COL28A1: variants seen among roughly 807,000 people sequenced by gnomAD.
The protein encoded by COL28A1 is collagen alpha-1(XXVIII) chain.
In COL28A1, 161 loss-of-function variants were observed where a neutral mutation model predicts 150.2. The ratio of observed to expected loss-of-function variants is 1.07; its 90% CI spans 0.94 to 1.22. The LOEUF (loss-of-function observed/expected upper bound fraction) is 1.22, where lower values mean the gene tolerates loss of function less well. Among genes scored for constraint, COL28A1 ranks in the 50% most tolerant of loss-of-function variants. The pLI is 0.00. For missense variants in COL28A1, 1,617 were observed against 1,388.3 expected (o/e 1.16, Z -2.62); for synonymous variants, 552 against 469.7 (o/e 1.18, Z -2.26).
intron 30 of COL28A1, among the ~76,000 whole-genome samples, chr7:7,380,204 C>T (rs1011620726): frequency 6.6e-6 from 1 of 152,176 alleles, no homozygotes; most frequent in Non-Finnish European, 1.5e-5. Flanking sequence ...TCAGAAAATA[C>T]TTATTGAATA....
intron 3 of COL28A1, among the ~76,000 whole-genome samples, chr7:7,529,073 G>A (rs956217931): frequency 2.6e-5 from 4 of 151,882 alleles, no homozygotes; most frequent in Non-Finnish European, 4.4e-5. Flanking sequence ...AGGCCGAGGC[G>A]GGCAGATCAC....
At chr7:7,351,112 G>A in the COL28A1 span, among the ~76,000 whole-genome samples, 1 of 152,044 alleles carries the variant, frequency 6.6e-6, no homozygotes, top group African/African-American at 2.4e-5. Context: ...CATCTGAGGT[G>A]GAATCCATAA....
downstream of COL28A1, among the ~76,000 whole-genome samples, chr7:7,354,296 A>T (rs1780299033): frequency 6.6e-6 from 1 of 152,156 alleles, no homozygotes; most frequent in Admixed American, 6.6e-5. Flanking sequence ...ACCTGGCCAA[A>T]AAAAATTTAT....
intron 13 of COL28A1, among the ~76,000 whole-genome samples, chr7:7,487,639 T>C (rs1281506116): frequency 6.6e-6 from 1 of 152,214 alleles, no homozygotes; most frequent in African/African-American, 2.4e-5. Flanking sequence ...CTGAAAATCA[T>C]AGACCTAAGG....
chr7:7,452,504 A>G (rs555391999), intron 17 of COL28A1, 117 bp from the exon 18 acceptor site: 5 of 1,386,662 alleles, frequency 3.6e-6, no homozygotes, highest in African/African-American at 1.5e-5. Flanking sequence ...CTCAATTCAT[A>G]TATATTGCCT....
chr7:7,390,466 G>T (rs927017806), intron 27 of COL28A1, among the ~76,000 whole-genome samples: 7 of 152,082 alleles, frequency 4.6e-5, no homozygotes, highest in African/African-American at 1.7e-4. Flanking sequence ...TTTTTGTTGG[G>T]TCTCTGCCAG....
chr7:7,363,680 TG>T (rs201098644), intron 33 of COL28A1, among the ~76,000 whole-genome samples: 5 of 152,218 alleles, frequency 3.3e-5, no homozygotes, highest in African/African-American at 1.2e-4. Flanking sequence ...TCCATTTTTT[TG>T]TTGTTGTTGT....
At chr7:7,357,348 C>G (rs1422467976), downstream of COL28A1, among the ~76,000 whole-genome samples, 1 of 152,112 alleles carries the variant, frequency 6.6e-6, no homozygotes, top group Admixed American at 6.5e-5. Flanking sequence ...CGGCGCCCAG[C>G]TGAGAAAGTG....
At chr7:7,406,057 T>G (rs1783473444) in intron 27 of COL28A1, among the ~76,000 whole-genome samples, 1 of 152,264 alleles carries the variant, frequency 6.6e-6, no homozygotes, top group African/African-American at 2.4e-5. Context: ...TAGTGATAAT[T>G]TGATCACAAA....
chr7:7,524,065 G>C lies in COL28A1; in HGVS notation c.702+164C>G, dbSNP rs150621743. 1.1e-3 allele frequency among the ~76,000 whole-genome samples: 170 copies of C among 152,300 alleles called. 1 individual carries two copies. Among genetic ancestry groups the C allele is most frequent in the African/African-American group, 3.8e-3 (158 of 41,566 alleles). ...TTTCCAACTTGCATTGAATATGGTA[G>C]TATAAAAGAAATCAGATGGCTGCCT... On this transcript the variant is annotated intron_variant, in intron 4 of 34. Transcript: ENST00000399429.
intron 25 of COL28A1, among the ~76,000 whole-genome samples, chr7:7,427,543 C>T (rs951174729): frequency 1.3e-5 from 2 of 152,178 alleles, no homozygotes; most frequent in Non-Finnish European, 2.9e-5. Flanking sequence ...CTCTGTTCCA[C>T]CAATGCCTGT....
At chr7:7,542,655 G>C in the COL28A1 span, among the ~76,000 whole-genome samples, 1 of 152,176 alleles carries the variant, frequency 6.6e-6, no homozygotes, top group Non-Finnish European at 1.5e-5. Context: ...CCATGTTAAA[G>C]GGTTTAAACT....
chr7:7,406,818 T>A (rs998415789), intron 27 of COL28A1, among the ~76,000 whole-genome samples: 34 of 152,126 alleles, frequency 2.2e-4, no homozygotes, highest in Non-Finnish European at 5.9e-5. Flanking sequence ...GTCAACAAGG[T>A]GGACAGCATC....
chr7:7,365,417 A>T (rs1780885016), intron 33 of COL28A1, among the ~76,000 whole-genome samples: 1 of 152,106 alleles, frequency 6.6e-6, no homozygotes, highest in Non-Finnish European at 1.5e-5. Context: ...GAGAGCCGAC[A>T]CCTGGAGTCC....
At position 7,531,564 on chromosome 7, in the gene COL28A1, C is replaced by T. The variant is rs972598821; in HGVS notation, c.465G>A (p.Val155=). The T allele has an allele frequency of 6.2e-7, 1 of 1,607,036 alleles. No individual in the cohort carries two copies. Among genetic ancestry groups the T allele is most frequent in the Non-Finnish European group, 8.5e-7 (1 of 1,173,854 alleles). The change falls in exon 3 of 35, where the codon GTG becomes GTA. Residue 155 remains valine (V), a synonymous_variant. Coordinates refer to ENST00000399429, the MANE Select transcript of COL28A1 (RefSeq NM_001037763.3). ...KREGRKDGVK[V]VLLMTDGIDH... is the part of the protein sequence containing the mutation. ...CGATGCCATCAGTCATCAGCAAAAC[C>T]ACTTTCACACCATCCTTACGCCCTT...
chr7:7,457,364 T>C (rs1183708180), intron 15 of COL28A1, among the ~76,000 whole-genome samples: 1 of 151,454 alleles, frequency 6.6e-6, no homozygotes, highest in Non-Finnish European at 1.5e-5. Flanking sequence ...GAAGGTAGAG[T>C]GATGGGATTT....
chr7:7,445,951 C>G (rs530157494), intron 18 of COL28A1, among the ~76,000 whole-genome samples: 3 of 151,818 alleles, frequency 2.0e-5, no homozygotes, highest in South Asian at 4.2e-4. Context: ...CTCCGCCTCC[C>G]GGGTTCAAGT....
Position 7,373,347 on chromosome 7 carries a change from C to T in COL28A1, c.2559G>A (p.Lys853=). ...TGAAGTCATCCTTGCTGGAGAACTG[C>T]TTCAAATTAGCCACCTTCTCCACCT... ...SHKVEKVANL[K]QFSSKDDFKL... is the part of the protein sequence containing the mutation. The change falls in exon 32 of 35, where the codon AAG becomes AAA. Residue 853 remains lysine, a synonymous_variant. Coordinates refer to ENST00000399429, the MANE Select transcript of COL28A1 (RefSeq NM_001037763.3). The surrounding 1 kb of genome is among the most constrained non-coding windows in gnomAD (Gnocchi z 4.1). The T allele has an allele frequency of 6.2e-7, 1 of 1,614,176 alleles. No homozygotes were observed. Among genetic ancestry groups the T allele is most frequent in the Non-Finnish European group, 8.5e-7 (1 of 1,180,038 alleles).
intron 16 of COL28A1, 150 bp downstream of exon 16, chr7:7,455,894 A>G (rs1437752255): frequency 2.0e-6 from 2 of 1,023,724 alleles, no homozygotes; most frequent in Non-Finnish European, 2.6e-6. Flanking sequence ...AAACCATCTT[A>G]TCCTTCCCTA....
Sources: gnomAD v4.1 joint callset for allele counts (sites outside exome capture counted in the v4.1 genomes callset) on GRCh38, gnomAD v4.1.1 for gene constraint, Gnocchi (gnomAD v3.1) non-coding constraint, MANE v1.5 for transcripts, NCBI Gene and HGNC (gene_info 2026-07-23, HGNC 2026-07-21) for gene names.